CENPP: variants seen among roughly 807,000 people sequenced by gnomAD.
CENPP encodes the protein centromere protein P.
Under a neutral mutation model 35.6 loss-of-function variants are expected in CENPP, and 24 were observed. The ratio of observed to expected loss-of-function variants is 0.67; its 90% confidence interval spans 0.49 to 0.95. The LOEUF is 0.95. CENPP is among the 40% of genes least tolerant of loss of function. The pLI is 0.00. For synonymous variants in CENPP, 120 were observed against 125.5 expected (o/e 0.96, Z 0.29); for missense variants, 332 against 345.3 (o/e 0.96, Z 0.31).
At chr9:92,532,353 C>T (rs890554197) in intron 5 of CENPP, among the ~76,000 whole-genome samples, 5 of 152,018 alleles carry the variant, frequency 3.3e-5, no homozygotes, top group South Asian at 4.1e-4. Flanking sequence ...CTATTTGGCA[C>T]TTCTTGAATT....
chr9:92,538,137 A>G (rs144886814), intron 5 of CENPP, among the ~76,000 whole-genome samples: 185 of 152,332 alleles, frequency 1.2e-3, no homozygotes, highest in African/African-American at 4.2e-3. Context: ...CCTTCAAGGA[A>G]GTACTCTGAA....
At chr9:92,332,429 GAATTAA>G in intron 2 of CENPP, 78 bp downstream of exon 2, 1 of 958,596 alleles carries the variant, frequency 1.0e-6, no homozygotes, top group Non-Finnish European at 1.5e-6. Context: ...TCATAATATT[GAATTAA>G]AATTCTACAA....
intron 5 of CENPP, among the ~76,000 whole-genome samples, chr9:92,439,074 A>G (rs1844318635): frequency 6.6e-6 from 1 of 152,206 alleles, no homozygotes; most frequent in African/African-American, 2.4e-5. Flanking sequence ...GAAGTGACTT[A>G]GATTTTTTTG....
chr9:92,327,467 A>C lies in CENPP; in HGVS notation c.107+1362A>C, dbSNP rs1840593754. On this transcript the variant is annotated intron_variant, in intron 1 of 7. Transcript: ENST00000375587. ...TATTCAACAGGTTATAGGAGGGGCT[A>C]TGAATATTCACGAAGGGAGATGTGC... Among the ~76,000 whole-genome samples the C allele has an allele frequency of 2.0e-5, 3 of 152,214 alleles. No homozygotes were observed. In the South Asian group the frequency reaches 6.2e-4, roughly 32 times the overall value.
At chr9:92,557,196 A>G (rs1226536567) in intron 5 of CENPP, among the ~76,000 whole-genome samples, 1 of 152,156 alleles carries the variant, frequency 6.6e-6, no homozygotes, top group Non-Finnish European at 1.5e-5. Flanking sequence ...TCTGCTGTTA[A>G]TCTGATAGGT....
chr9:92,514,534 C>CA, intron 5 of CENPP: 1 of 1,454,116 alleles, frequency 6.9e-7, no homozygotes, highest in Non-Finnish European at 9.1e-7. Flanking sequence ...CTCAGCCTTT[C>CA]AAAGTGCTGA....
chr9:92,496,264 C>A, intron 5 of CENPP: 1 of 1,523,060 alleles, frequency 6.6e-7, no homozygotes, highest in South Asian at 1.4e-5. Flanking sequence ...ACAAATGCAG[C>A]TACTACAAAT....
chr9:92,453,608 T>C (rs988042529), intron 5 of CENPP, among the ~76,000 whole-genome samples: 1 of 152,124 alleles, frequency 6.6e-6, no homozygotes, highest in African/African-American at 2.4e-5. Flanking sequence ...TGTAGATGTC[T>C]ATTAGAGACT....
At chr9:92,361,119 A>T (rs1367242652) in intron 4 of CENPP, among the ~76,000 whole-genome samples, 1 of 149,012 alleles carries the variant, frequency 6.7e-6, no homozygotes, top group Non-Finnish European at 1.5e-5. Context: ...GTGTATTTTT[A>T]TTATTTTACT....
intron 5 of CENPP, chr9:92,400,996 C>T (rs1333764946): frequency 3.2e-6 from 2 of 634,116 alleles, no homozygotes; most frequent in Non-Finnish European, 5.6e-6. Context: ...TTTGTATTTA[C>T]TGTATCTTGA....
chr9:92,339,199 GA>G (rs750960847), intron 3 of CENPP, among the ~76,000 whole-genome samples: 4 of 152,122 alleles, frequency 2.6e-5, no homozygotes, highest in Non-Finnish European at 5.9e-5. Context: ...GAGTCCTATG[GA>G]CAAGCTGCCT....
intron 5 of CENPP, among the ~76,000 whole-genome samples, chr9:92,524,445 T>C (rs1848265932): frequency 6.6e-6 from 1 of 152,200 alleles, no homozygotes; most frequent in Non-Finnish European, 1.5e-5. Flanking sequence ...GAAACCTCCA[T>C]CAAGGTGTTG....
Position 92,585,217 on chromosome 9 carries a change from T to G in CENPP, c.565-26097T>G, listed in dbSNP as rs370349292. Among the ~76,000 whole-genome samples the G allele has an allele frequency of 7.9e-5, 12 of 152,246 alleles. 1 individual carries two copies. The highest frequency in any genetic ancestry group is 5.8e-4 in the East Asian group (3 of 5,198). On this transcript the variant is annotated intron_variant, in intron 5 of 7. Coordinates refer to ENST00000375587, the MANE Select transcript of CENPP (RefSeq NM_001012267.3). ...CTAGAAAGTAAGTTTGGAGAAATGTTACAGAGGGCCTTGAGTACCACATTT... is the reference window on the plus strand; with the variant it reads ...CTAGAAAGTAAGTTTGGAGAAATGTGACAGAGGGCCTTGAGTACCACATTT...
intron 5 of CENPP, chr9:92,495,962 G>C (rs1846323778): frequency 1.0e-6 from 1 of 988,078 alleles, no homozygotes; most frequent in East Asian, 1.1e-4. Flanking sequence ...ATTTTTAAAG[G>C]GACTTACAGA....
intron 5 of CENPP, among the ~76,000 whole-genome samples, chr9:92,402,368 A>G (rs1843151026): frequency 6.6e-6 from 1 of 152,218 alleles, no homozygotes; most frequent in Non-Finnish European, 1.5e-5. Flanking sequence ...TAACTGGTCA[A>G]TCTTATAAGT....
intron 5 of CENPP, among the ~76,000 whole-genome samples, chr9:92,512,730 A>G (rs1847430707): frequency 6.6e-6 from 1 of 152,202 alleles, no homozygotes; most frequent in Non-Finnish European, 1.5e-5. Flanking sequence ...TCAGTAGTCA[A>G]TTTTTAAACC....
chr9:92,497,971 C>T (rs1846452259), intron 5 of CENPP, among the ~76,000 whole-genome samples: 1 of 151,988 alleles, frequency 6.6e-6, no homozygotes, highest in Admixed American at 6.6e-5. Flanking sequence ...CCCCTTCCAC[C>T]ATGAGTGGAA....
At chr9:92,556,385 G>GTATA (rs993531882) in intron 5 of CENPP, among the ~76,000 whole-genome samples, 1 of 152,088 alleles carries the variant, frequency 6.6e-6, no homozygotes, top group African/African-American at 2.4e-5. Context: ...GAAATGTTCT[G>GTATA]TATATATATC....
At position 92,437,162 on chromosome 9, in the gene CENPP, A is replaced by G. The variant is rs1002268394; in HGVS notation, c.564+57303A>G. ...GGTTGCAGTGAGCAGAGCTCACACC[A>G]TTGCAATCCAGCCTGGGCAACAAGA... On this transcript the variant is annotated intron_variant, in intron 5 of 7. Transcript: ENST00000375587. Among the ~76,000 whole-genome samples the G allele has an allele frequency of 5.9e-5, 9 of 152,300 alleles. 1 individual carries two copies. The Middle Eastern group carries it at 0.014, about 230-fold the overall frequency.
Sources: allele counts gnomAD v4.1 joint callset (sites outside exome capture counted in the v4.1 genomes callset), GRCh38; gene constraint gnomAD v4.1.1; transcripts MANE v1.5; gene names NCBI Gene and HGNC (gene_info 2026-07-23, HGNC 2026-07-21).